The following FOXK1 variants were observed in gnomAD, a reference collection of about 807,000 sequenced individuals.
The protein encoded by FOXK1 is forkhead box protein K1.
A neutral mutation model predicts 51.9 loss-of-function variants in FOXK1; 19 were observed. The observed-to-expected ratio is 0.37, with a 90% CI of 0.26 to 0.54. FOXK1 has a LOEUF of 0.54. FOXK1 is among the 20% of genes least tolerant of loss of function. The pLI is 0.87. For synonymous variants in FOXK1, 537 were observed against 482.6 expected (o/e 1.11, Z -1.48); for missense variants, 870 against 1,032.7 (o/e 0.84, Z 2.16).
intron 1 of FOXK1, among the ~76,000 whole-genome samples, chr7:4,717,205 GGAGGCATGTGGCTGGAAGGTGGTGGCGA>G (rs1382626905): frequency 3.3e-5 from 5 of 150,888 alleles, no homozygotes; most frequent in South Asian, 2.1e-4. Context: ...TGTGTGGCTG[GGAGGCATGTGGCTGGAAGGTGGTGGCGA>G]GAGGCATGTG....
chr7:4,759,393 G>A lies in FOXK1; in HGVS notation c.1494G>A (p.Met498Ile). ...SSLVAKPVAYMPASIVTSQQP... is the reference protein window; with the variant it reads ...SSLVAKPVAYIPASIVTSQQP... Reference sequence around the variant, plus strand: ...TCGTGGCCAAGCCCGTGGCCTACATGCCCGCCTCCATCGTAACCTCACAGC... The same window carrying A: ...TCGTGGCCAAGCCCGTGGCCTACATACCCGCCTCCATCGTAACCTCACAGC... The change falls in exon 7 of 9, where the codon ATG becomes ATA. Residue 498 changes from methionine to isoleucine, a missense_variant. By Grantham distance (10) the Met-to-Ile change is conservative. Around this residue, in one of 3 missense-constraint regions of FOXK1, gnomAD observed 457 missense variants for 510.8 expected, o/e 0.89. Transcript: ENST00000328914. 6.2e-7 allele frequency: 1 copy of A among 1,601,662 alleles called. No individual in the cohort carries two copies. Among genetic ancestry groups the A allele is most frequent in the South Asian group, 1.1e-5 (1 of 90,534 alleles).
chr7:4,684,417 A>G (rs1415513975), intron 1 of FOXK1, among the ~76,000 whole-genome samples: 3 of 152,204 alleles, frequency 2.0e-5, no homozygotes, highest in African/African-American at 7.2e-5. Flanking sequence ...GAATAATTTA[A>G]AATGCAACAT....
rs1454099446 is a variant in FOXK1, at chr7:4,754,898, A to G, written c.903+283A>G. Reference sequence around the variant, plus strand: ...ATCTGCCGCTGGCAGCCCGGCGTCAAAGCCTTCATACAGCCCTTGAGCAGG... The same window carrying G: ...ATCTGCCGCTGGCAGCCCGGCGTCAGAGCCTTCATACAGCCCTTGAGCAGG... On this transcript the variant is annotated intron_variant, in intron 3 of 8. Coordinates refer to ENST00000328914, the MANE Select transcript of FOXK1 (RefSeq NM_001037165.2). The G allele has an allele frequency of 1.5e-5, 9 of 580,698 alleles. No homozygotes were observed. The East Asian group carries it at 2.0e-4, about 13-fold the overall frequency. The allele number at this position is 580,698 out of a possible 1,614,324, so 36.0% of individuals were successfully genotyped here. A position where few individuals can be genotyped will look rare whatever the true frequency, so the allele number is the denominator to read the frequency against.
rs1047309801 is a variant in FOXK1, at chr7:4,756,409, C to T, written c.1051-585C>T. ...GGGATTACAGGCGTGAGCCACTGTG[C>T]CCGGCCAAGACCCAGTGTTTTCTTT... On this transcript the variant is annotated intron_variant, in intron 4 of 8. Transcript: ENST00000328914. The surrounding 1 kb of genome is among the most constrained non-coding windows in gnomAD (Gnocchi z 4.1). 1.3e-5 allele frequency among the ~76,000 whole-genome samples: 2 copies of T among 150,858 alleles called. No homozygotes were observed. The highest frequency in any genetic ancestry group is 3.0e-5 in the Non-Finnish European group (2 of 67,756).
chr7:4,737,059 G>A (rs1780561616), intron 1 of FOXK1, among the ~76,000 whole-genome samples: 1 of 152,186 alleles, frequency 6.6e-6, no homozygotes, highest in South Asian at 2.1e-4. Context: ...GTGCGTGTGT[G>A]TGCATGTGCG....
Position 4,748,136 on chromosome 7 carries a change from A to G in FOXK1, c.747-6323A>G, listed in dbSNP as rs1276542013. Reference sequence around the variant, plus strand: ...TTTTCCTTTTTCAGATTACGAAGAGACTATCTATCTATCTATATGCATCTT... The same window carrying G: ...TTTTCCTTTTTCAGATTACGAAGAGGCTATCTATCTATCTATATGCATCTT... On this transcript the variant is annotated intron_variant, in intron 2 of 8. Transcript: ENST00000328914. This position sits in a 1 kb window ranked among gnomAD's most constrained non-coding sequence, Gnocchi z 4.9. 6.6e-6 allele frequency among the ~76,000 whole-genome samples: 1 copy of G among 152,108 alleles called. No individual in the cohort carries two copies. The highest frequency in any genetic ancestry group is 1.5e-5 in the Non-Finnish European group (1 of 68,034).
Position 4,761,141 on chromosome 7 carries a change from A to C in FOXK1, c.1774A>C (p.Met592Leu), listed in dbSNP as rs1210828844. 6.2e-7 allele frequency: 1 copy of C among 1,612,762 alleles called. No individual in the cohort carries two copies. The highest frequency in any genetic ancestry group is 1.3e-5 in the African/African-American group (1 of 74,914). ...AGTCATCCAGACGGTGGCCAGCCAG[A>C]TGGCCCCCGGGGTCCCCGGACACAC... ...GGVIQTVASQ[M>L]APGVPGHTVT... Residue 592 changes from methionine (M) to leucine (L), a missense_variant, in exon 8 of 9, where the codon ATG becomes CTG. Physicochemically the swap from Met to Leu is conservative, Grantham distance 15. Around this residue, in one of 3 missense-constraint regions of FOXK1, gnomAD observed 457 missense variants for 510.8 expected, o/e 0.89. Coordinates refer to ENST00000328914, the MANE Select transcript of FOXK1 (RefSeq NM_001037165.2). This position sits in a 1 kb window ranked among gnomAD's most constrained non-coding sequence, Gnocchi z 6.2.
rs1412760366 is a variant in FOXK1, at chr7:4,735,508, C to T, written c.561-5330C>T. 6.6e-6 allele frequency among the ~76,000 whole-genome samples: 1 copy of T among 152,162 alleles called. No homozygotes were observed. The highest frequency in any genetic ancestry group is 2.4e-5 in the African/African-American group (1 of 41,432). ...CCCTAGCTCTTAGTCATTCTCCGTCCCCCCTGCCTGTCCCACCCGTCACTC... is the reference window on the plus strand; with the variant it reads ...CCCTAGCTCTTAGTCATTCTCCGTCTCCCCTGCCTGTCCCACCCGTCACTC... On this transcript the variant is annotated intron_variant, in intron 1 of 8. Coordinates refer to ENST00000328914, the MANE Select transcript of FOXK1 (RefSeq NM_001037165.2). The surrounding 1 kb of genome is among the most constrained non-coding windows in gnomAD (Gnocchi z 4.7).
chr7:4,759,273 C>T (rs943025937), intron 6 of FOXK1, 38 bp from the exon 7 acceptor site: 32 of 1,603,950 alleles, frequency 2.0e-5, no homozygotes, highest in Middle Eastern at 3.3e-4. Context: ...CGTGGGGGTG[C>T]GGGAGGGGTC....
chr7:4,746,277 C>T (rs548364151), intron 2 of FOXK1, among the ~76,000 whole-genome samples: 1 of 152,302 alleles, frequency 6.6e-6, no homozygotes, highest in South Asian at 2.1e-4. Context: ...TCAGTCCTAA[C>T]TTGGTTTATG....
rs902431725 is a variant in FOXK1, at chr7:4,715,185, G to A, written c.561-25653G>A. Among the ~76,000 whole-genome samples, 6 of 151,946 alleles carry A rather than the reference G, an allele frequency of 3.9e-5. No homozygotes were observed. Among genetic ancestry groups the A allele is most frequent in the South Asian group, 2.1e-4 (1 of 4,826 alleles). Reference sequence around the variant, plus strand: ...GTGGAACTGTGACGATACGGGGCACGGTGGAACTGTGGCGATACGGGGCAC... The same window carrying A: ...GTGGAACTGTGACGATACGGGGCACAGTGGAACTGTGGCGATACGGGGCAC... On this transcript the variant is annotated intron_variant, in intron 1 of 8. Transcript: ENST00000328914. This position sits in a 1 kb window ranked among gnomAD's most constrained non-coding sequence, Gnocchi z 4.5.
Position 4,715,785 on chromosome 7 carries a change from G to A in FOXK1, c.561-25053G>A, listed in dbSNP as rs1029014044. Among the ~76,000 whole-genome samples, 4 of 152,122 alleles carry A rather than the reference G, an allele frequency of 2.6e-5. No homozygotes were observed. Among genetic ancestry groups the A allele is most frequent in the East Asian group, 1.9e-4 (1 of 5,190 alleles). On this transcript the variant is annotated intron_variant, in intron 1 of 8. Transcript: ENST00000328914. This position sits in a 1 kb window ranked among gnomAD's most constrained non-coding sequence, Gnocchi z 4.5. ...CCTCACAGCGAATCCACCGAAGAGC[G>A]CTCCCATCCACAGCCGGCTCTTTGA...
chr7:4,726,228 G>T (rs1315461323), intron 1 of FOXK1, among the ~76,000 whole-genome samples: 1 of 152,092 alleles, frequency 6.6e-6, no homozygotes, highest in Non-Finnish European at 1.5e-5. Context: ...TCTTGTTTTT[G>T]GCCTACGAAT....
rs1780431840 is a variant in FOXK1 at position 4,730,176 on chromosome 7, C to T, written c.561-10662C>T. ...AATAGATGCATTCTCCCTATTTAAA[C>T]AAATTAGGCCCTATGAACGCATAAG... On this transcript the variant is annotated intron_variant, in intron 1 of 8. Coordinates refer to ENST00000328914, the MANE Select transcript of FOXK1 (RefSeq NM_001037165.2). This position sits in a 1 kb window ranked among gnomAD's most constrained non-coding sequence, Gnocchi z 4.7. Among the ~76,000 whole-genome samples the T allele has an allele frequency of 6.6e-6, 1 of 152,164 alleles. No individual in the cohort carries two copies. The highest frequency in any genetic ancestry group is 1.9e-4 in the East Asian group (1 of 5,198).
In FOXK1 at chr7:4,734,436, T is replaced by C. The variant is rs1426416099; in HGVS notation, c.561-6402T>C. ...TTGGGAGGATGAGATGCTCTGTGGC[T>C]TCCACCACTCCCCAGATCGTCTGCT... On this transcript the variant is annotated intron_variant, in intron 1 of 8. Coordinates refer to ENST00000328914, the MANE Select transcript of FOXK1 (RefSeq NM_001037165.2). This position sits in a 1 kb window ranked among gnomAD's most constrained non-coding sequence, Gnocchi z 5.2. Among the ~76,000 whole-genome samples the C allele has an allele frequency of 1.3e-5, 2 of 152,322 alleles. No individual in the cohort carries two copies. The highest frequency in any genetic ancestry group is 3.9e-4 in the East Asian group (2 of 5,168).
At chr7:4,688,274 A>AG (rs955815233) in intron 1 of FOXK1, among the ~76,000 whole-genome samples, 2 of 152,004 alleles carry the variant, frequency 1.3e-5, no homozygotes, top group African/African-American at 2.4e-5. Flanking sequence ...CTTAAAAAAA[A>AG]AAAAAAAACC....
At chr7:4,742,101 C>T (rs1298504094) in intron 2 of FOXK1, among the ~76,000 whole-genome samples, 2 of 152,258 alleles carry the variant, frequency 1.3e-5, no homozygotes, top group African/African-American at 4.8e-5. Context: ...AGCTGTGGCT[C>T]CTCCGCAGCA....
chr7:4,701,080 G>A (rs1270212349), intron 1 of FOXK1, among the ~76,000 whole-genome samples: 3 of 152,170 alleles, frequency 2.0e-5, no homozygotes, highest in South Asian at 2.1e-4. Context: ...AGGGGCGGCC[G>A]CTCACCAGCA....
Position 4,770,879 on chromosome 7 carries a change from G to A in FOXK1, c.*8415G>A, listed in dbSNP as rs1781089861. The stretch of plus-strand genomic sequence containing the variant: ...GGTGTTGTTCGGTGTGTGTGTGTGT[G>A]TGTGTGTGTGTGTGTGTGTGTGTAT... On this transcript the variant is annotated 3_prime_UTR_variant, in exon 9 of 9. Coordinates refer to ENST00000328914, the MANE Select transcript of FOXK1 (RefSeq NM_001037165.2). 1 of 150,504 alleles carries A rather than the reference G, an allele frequency of 6.6e-6. No homozygotes were observed. The highest frequency in any genetic ancestry group is 1.9e-4 in the East Asian group (1 of 5,174). The allele number at this position is 150,504 out of a possible 1,614,324, so 9.3% of individuals were successfully genotyped here. A position where few individuals can be genotyped will look rare whatever the true frequency, so the allele number is the denominator to read the frequency against.
Sources: gnomAD v4.1 joint callset for allele counts (sites outside exome capture counted in the v4.1 genomes callset) on GRCh38, gnomAD v4.1.1 for gene constraint, gnomAD v4.1.1 regional missense constraint, Gnocchi (gnomAD v3.1) non-coding constraint, MANE v1.5 for transcripts, NCBI Gene and HGNC (gene_info 2026-07-23, HGNC 2026-07-21) for gene names.